RIOK3: variants seen among roughly 807,000 people sequenced by gnomAD.
RIOK3 encodes the protein serine/threonine-protein kinase RIO3.
A neutral mutation model predicts 63.5 loss-of-function variants in RIOK3; 40 were observed. The observed-to-expected ratio is 0.63, with a 90% CI of 0.49 to 0.82. RIOK3 has a LOEUF of 0.82. RIOK3 is among the 40% of genes least tolerant of loss of function. RIOK3 has a pLI of 0.00. For missense variants in RIOK3, 557 were observed against 637.0 expected, an observed-to-expected ratio of 0.87 and a Z score of 1.35; for synonymous variants, 193 against 205.0, an observed-to-expected ratio of 0.94 and a Z score of 0.50.
chr18:23,481,103 A>C, intron 12 of RIOK3, 69 bp from the exon 13 acceptor site: 1 of 1,190,248 alleles, frequency 8.4e-7, no homozygotes, highest in Non-Finnish European at 1.2e-6. Context: ...AATTACTAGC[A>C]CAATCTAAAA....
At chr18:23,470,134 G>A (rs930295851) in intron 7 of RIOK3, among the ~76,000 whole-genome samples, 3 of 152,140 alleles carry the variant, frequency 2.0e-5, no homozygotes, top group Non-Finnish European at 4.4e-5. Flanking sequence ...GAGGACCGAT[G>A]GGGGCGGATC....
chr18:23,464,063 T>C lies in RIOK3; in HGVS notation c.276T>C (p.Tyr92=), dbSNP rs1166317464. 8 of 1,613,568 alleles carry C rather than the reference T, an allele frequency of 5.0e-6. No homozygotes were observed. The highest frequency in any genetic ancestry group is 5.9e-6 in the Non-Finnish European group (7 of 1,179,858). Residue 92 remains tyrosine, a synonymous_variant, in exon 3 of 13, where the codon TAT becomes TAC. Transcript: ENST00000339486. Reference sequence around the variant, plus strand: ...TACAGATGGAATATGACAGAGAATATGATGCACAGCTTAGGCGTGAAGAAA... The same window carrying C: ...TACAGATGGAATATGACAGAGAATACGATGCACAGCTTAGGCGTGAAGAAA... The part of the protein sequence containing the change: ...QMLQMEYDRE[Y]DAQLRREEKK...
chr18:23,458,190 C>A (rs954420110), intron 1 of RIOK3, among the ~76,000 whole-genome samples: 6 of 151,780 alleles, frequency 4.0e-5, no homozygotes, highest in Non-Finnish European at 8.8e-5. Flanking sequence ...CAGGCGAGAG[C>A]CACTGCCCCC....
At position 23,464,509 on chromosome 18, in the gene RIOK3, T is replaced by C; in HGVS notation, c.434-10T>C. 1 of 1,562,900 alleles carries C rather than the reference T, an allele frequency of 6.4e-7. No homozygotes were observed. The highest frequency in any genetic ancestry group is 8.7e-7 in the Non-Finnish European group (1 of 1,149,064). On this transcript the variant is annotated splice_polypyrimidine_tract_variant and intron_variant, in intron 4 of 12. Transcript: ENST00000339486. ...TTTTTATATACCTGGCTTATTTCAA[T>C]TGCCTTTAGCAAAACCGGTTCCCAC...
At chr18:23,456,422 A>C (rs1322009190) in intron 1 of RIOK3, 1 of 152,236 alleles carries the variant, frequency 6.6e-6, no homozygotes, top group Non-Finnish European at 1.5e-5. Flanking sequence ...TAGTGTCACT[A>C]AAGTTGATAT....
chr18:23,453,911 T>C (rs1248875400), intron 1 of RIOK3, among the ~76,000 whole-genome samples: 1 of 152,224 alleles, frequency 6.6e-6, no homozygotes, highest in African/African-American at 2.4e-5. Flanking sequence ...GTTTACTTAA[T>C]TTGATAAGTG....
chr18:23,465,427 A>G (rs1598807431), intron 5 of RIOK3, among the ~76,000 whole-genome samples: 1 of 152,232 alleles, frequency 6.6e-6, no homozygotes, highest in East Asian at 1.9e-4. Flanking sequence ...TGTGGTTAAT[A>G]TAATATATTA....
Position 23,481,402 on chromosome 18 carries a change from T to C in RIOK3, c.*123T>C, listed in dbSNP as rs898296698. ...GTGGGCAATGGTGCTTCTGTGCTTT[T>C]CCCCCTTGTAACCCATGTGCCAGAT... On this transcript the variant is annotated 3_prime_UTR_variant, in exon 13 of 13. Transcript: ENST00000339486. The C allele has an allele frequency of 1.5e-5, 9 of 606,514 alleles. No homozygotes were observed. The African/African-American group carries it at 1.5e-4, about 10-fold the overall frequency. 37.6% of individuals were successfully genotyped at this position (606,514 alleles called of 1,614,324 possible).
rs2057535551 is a variant in RIOK3, at chr18:23,481,623, C to T, written c.*344C>T. 1.1e-5 allele frequency: 2 copies of T among 183,582 alleles called. No homozygotes were observed. Among genetic ancestry groups the T allele is most frequent in the Admixed American group, 1.2e-4 (2 of 16,578 alleles). The allele number at this position is 183,582 out of a possible 1,614,324, so 11.4% of individuals were successfully genotyped here. On this transcript the variant is annotated 3_prime_UTR_variant, in exon 13 of 13. Coordinates refer to ENST00000339486, the MANE Select transcript of RIOK3 (RefSeq NM_003831.5). ...CACTTCCAAATATGGGAGGAAAGGA[C>T]AGATGTGTTTACAAGGGAGGATTTT... is the stretch of plus-strand genomic sequence containing the variant.
intron 1 of RIOK3, 26 bp from the exon 2 acceptor site, chr18:23,462,938 A>T (rs2057381045): frequency 9.8e-7 from 1 of 1,016,556 alleles, no homozygotes; most frequent in South Asian, 1.9e-5. Flanking sequence ...TGATGAATTG[A>T]GCTGTTCTTT....
chr18:23,467,314 CAAAA>C, intron 6 of RIOK3, 81 bp from the exon 7 acceptor site: 1 of 1,083,194 alleles, frequency 9.2e-7, no homozygotes, highest in South Asian at 1.8e-5. Context: ...GACTCCGTCT[CAAAA>C]AAAAAAAGTT....
intron 7 of RIOK3, among the ~76,000 whole-genome samples, chr18:23,469,735 C>T (rs2057443577): frequency 2.0e-5 from 3 of 152,044 alleles, no homozygotes; most frequent in African/African-American, 7.2e-5. Flanking sequence ...ATCCAACTGC[C>T]TCAGCCTCCC....
rs772694647 is a variant in RIOK3 at position 23,481,260 on chromosome 18, C to G, written c.1541C>G (p.Pro514Arg). 3.1e-6 allele frequency: 5 copies of G among 1,603,754 alleles called. No individual in the cohort carries two copies. Among genetic ancestry groups the G allele is most frequent in the Non-Finnish European group, 4.3e-6 (5 of 1,172,432 alleles). Residue 514 changes from proline to arginine, a missense_variant, in exon 13 of 13, where the codon CCA (proline) becomes CGA (arginine). Pro to Arg is a moderately radical substitution (Grantham distance 103). This residue lies in a region of RIOK3 where 309 missense variants were observed against 338.7 expected (regional missense o/e 0.91). Coordinates refer to ENST00000339486, the MANE Select transcript of RIOK3 (RefSeq NM_003831.5). Reference protein sequence around the residue: ...ASFLKDDGDPPLLYDE With the variant: ...ASFLKDDGDPRLLYDE ...TTTTTGAAAGATGATGGAGACCCAC[C>G]ACTACTATATGATGAATAGCACTAA... is the stretch of plus-strand genomic sequence containing the variant.
intron 7 of RIOK3, among the ~76,000 whole-genome samples, chr18:23,471,461 G>A (rs764452788): frequency 1.2e-4 from 18 of 152,190 alleles, no homozygotes; most frequent in Admixed American, 7.2e-4. Flanking sequence ...GTAGGATTTT[G>A]TAGGCCAGGG....
At chr18:23,461,809 G>A (rs890435306) in intron 1 of RIOK3, among the ~76,000 whole-genome samples, 1 of 152,052 alleles carries the variant, frequency 6.6e-6, no homozygotes, top group African/African-American at 2.4e-5. Flanking sequence ...AAATTTTGGG[G>A]CTAGGCTTGG....
At chr18:23,466,430 C>T (rs111359165) in intron 6 of RIOK3, among the ~76,000 whole-genome samples, 154 bp downstream of exon 6, 107 of 151,844 alleles carry the variant, frequency 7.0e-4, no homozygotes, top group Non-Finnish European at 1.1e-3. Context: ...CTGTGGTGCC[C>T]GCCTGTAATC....
chr18:23,475,219 A>G (rs1361737716), intron 9 of RIOK3, 112 bp downstream of exon 9: 1 of 813,190 alleles, frequency 1.2e-6, no homozygotes, highest in Non-Finnish European at 1.9e-6. Context: ...CTTGTAATCT[A>G]GAACTTTGGG....
chr18:23,453,482 G>A lies in RIOK3; in HGVS notation c.43G>A (p.Ala15Thr). ...GVASPEPGTAAAWGPSKCPWA... is the reference protein window; with the variant it reads ...GVASPEPGTATAWGPSKCPWA... ...GGCATCGCCTGAGCCCGGGACGGCA[G>A]CGGCCTGGGGACCCAGCAAGGTAAG... The change falls in exon 1 of 13, where the codon GCG becomes ACG. Residue 15 changes from alanine to threonine, a missense_variant. This residue lies in a region of RIOK3 where 243 missense variants were observed against 275.4 expected (regional missense o/e 0.88). Transcript: ENST00000339486. The A allele has an allele frequency of 6.2e-7, 1 of 1,613,680 alleles. No individual in the cohort carries two copies.
chr18:23,459,350 T>C (rs1204713074), intron 1 of RIOK3, among the ~76,000 whole-genome samples: 2 of 152,198 alleles, frequency 1.3e-5, no homozygotes, highest in East Asian at 3.8e-4. Context: ...TGTTTTCTTT[T>C]GGCACATACT....
Sources: allele counts gnomAD v4.1 joint callset (sites outside exome capture counted in the v4.1 genomes callset), GRCh38; gene constraint gnomAD v4.1.1; regional missense constraint gnomAD v4.1.1; transcripts MANE v1.5; gene names NCBI Gene and HGNC (gene_info 2026-07-23, HGNC 2026-07-21).